ACVR2B: variants seen among roughly 807,000 people sequenced by gnomAD.
ACVR2B encodes activin A receptor type 2B, also known as activin receptor type-2B.
ACVR2B carries 18 observed loss-of-function variants against 65.1 expected under a neutral mutation model. The ratio of observed to expected loss-of-function variants is 0.28; its 90% CI spans 0.19 to 0.41. The LOEUF (loss-of-function observed/expected upper bound fraction) is 0.41. ACVR2B is among the 10% of genes least tolerant of loss of function. The pLI, the probability that ACVR2B is intolerant of heterozygous loss-of-function variation, is 1.00. For synonymous variants in ACVR2B, 298 were observed against 277.7 expected (o/e 1.07, Z -0.73); for missense variants, 482 against 682.7 (o/e 0.71, Z 3.28).
At chr3:38,479,574 G>C in intron 6 of ACVR2B, 104 bp from the exon 7 acceptor site, 1 of 1,384,484 alleles carries the variant, frequency 7.2e-7, no homozygotes, top group Non-Finnish European at 1.0e-6. Flanking sequence ...CCTTCCAGGA[G>C]AGCAGCCTAG....
chr3:38,479,934 C>T lies in ACVR2B; in HGVS notation c.959+108C>T, dbSNP rs4407366. On this transcript the variant is annotated intron_variant, in intron 7 of 10. Transcript: ENST00000352511. ...GTCTCAACTTCCTAAACATACTTAC[C>T]CTGCTTGCTGTGTGTCCGAGGCAGC... The T allele has an allele frequency of 0.61, 849,305 of 1,393,412 alleles. 260,024 individuals carry two copies. Among genetic ancestry groups the T allele is most frequent in the Admixed American group, 0.62 (31,408 of 50,670 alleles). 86.3% of individuals were successfully genotyped at this position (1,393,412 alleles called of 1,614,324 possible).
chr3:38,482,230 G>C lies in ACVR2B; in HGVS notation c.1107G>C (p.Val369=). The part of the protein sequence containing the change: ...VGTRRYMAPE[V]LEGAINFQRD... The stretch of plus-strand genomic sequence containing the variant: ...CGAGACGGTACATGGCTCCTGAGGT[G>C]CTCGAGGGAGCCATCAACTTCCAGA... The change falls in exon 9 of 11, where the codon GTG becomes GTC. Residue 369 remains valine, a synonymous_variant. Transcript: ENST00000352511. 1 of 1,613,650 alleles carries C rather than the reference G, an allele frequency of 6.2e-7. No individual in the cohort carries two copies. Among genetic ancestry groups the C allele is most frequent in the Non-Finnish European group, 8.5e-7 (1 of 1,179,966 alleles).
chr3:38,455,681 A>C (rs1367231555), intron 1 of ACVR2B, among the ~76,000 whole-genome samples: 1 of 152,186 alleles, frequency 6.6e-6, no homozygotes, highest in Admixed American at 6.5e-5. Flanking sequence ...ACCAGCTGGC[A>C]CCTGAGTACC....
At chr3:38,474,909 A>T (rs1709881709) in intron 1 of ACVR2B, 1 of 152,268 alleles carries the variant, frequency 6.6e-6, no homozygotes, top group Non-Finnish European at 1.5e-5. Context: ...AGCCAAACAC[A>T]TTCAAGGGTG....
At position 38,491,208 on chromosome 3, in the gene ACVR2B, G is replaced by A. The variant is rs1397399447; in HGVS notation, c.*7876G>A. On this transcript the variant is annotated 3_prime_UTR_variant, in exon 11 of 11. Transcript: ENST00000352511. ...ATTTTTTAAAGAGCCTTTTTTACCAGTTCAAAAAGTTTAATTAACCAGCAG... is the reference window on the plus strand; with the variant it reads ...ATTTTTTAAAGAGCCTTTTTTACCAATTCAAAAAGTTTAATTAACCAGCAG... The A allele has an allele frequency of 6.6e-6, 1 of 152,384 alleles. No individual in the cohort carries two copies. Among genetic ancestry groups the A allele is most frequent in the East Asian group, 1.9e-4 (1 of 5,180 alleles). The allele number at this position is 152,384 out of a possible 1,614,324, so 9.4% of individuals were successfully genotyped here.
intron 8 of ACVR2B, 50 bp from the exon 9 acceptor site, chr3:38,482,148 G>T: frequency 6.2e-7 from 1 of 1,613,466 alleles, no homozygotes; most frequent in Non-Finnish European, 8.5e-7. Flanking sequence ...TCCCAGCTGT[G>T]TGTGTATGGC....
chr3:38,482,696 T>G, intron 10 of ACVR2B, 136 bp downstream of exon 10: 1 of 1,312,794 alleles, frequency 7.6e-7, no homozygotes, highest in Non-Finnish European at 1.0e-6. Context: ...AGGGATGTGT[T>G]CCAGGGGTTA....
At position 38,455,196 on chromosome 3, in the gene ACVR2B, G is replaced by T. The variant is rs1370577782; in HGVS notation, c.52+822G>T. 3.3e-5 allele frequency among the ~76,000 whole-genome samples: 5 copies of T among 152,218 alleles called. No individual in the cohort carries two copies. The South Asian group carries it at 1.0e-3, about 32-fold the overall frequency. On this transcript the variant is annotated intron_variant, in intron 1 of 10. Transcript: ENST00000352511. Reference sequence around the variant, plus strand: ...GCGTAAACAAGCGGAGTTCCGCCTGGAAAGCTTGTTTCTCCTACGGTCCAA... The same window carrying T: ...GCGTAAACAAGCGGAGTTCCGCCTGTAAAGCTTGTTTCTCCTACGGTCCAA...
At chr3:38,459,785 A>C (rs145703055) in intron 1 of ACVR2B, 1 of 575,178 alleles carries the variant, frequency 1.7e-6, no homozygotes, top group Non-Finnish European at 2.2e-6. Context: ...AGGTGTGGGC[A>C]GCGCTGCCTT....
At chr3:38,459,060 T>G (rs143439026) in intron 1 of ACVR2B, among the ~76,000 whole-genome samples, 1 of 152,126 alleles carries the variant, frequency 6.6e-6, no homozygotes, top group Non-Finnish European at 1.5e-5. Context: ...TCATCTCAGA[T>G]TGGGAACCAC....
At chr3:38,469,198 A>G (rs953703235) in intron 1 of ACVR2B, among the ~76,000 whole-genome samples, 1 of 152,254 alleles carries the variant, frequency 6.6e-6, no homozygotes, top group Non-Finnish European at 1.5e-5. Context: ...AGTATAATAA[A>G]CACCCTTTTA....
intron 1 of ACVR2B, among the ~76,000 whole-genome samples, chr3:38,460,596 C>G (rs1294024131): frequency 1.3e-5 from 2 of 152,176 alleles, no homozygotes; most frequent in East Asian, 3.8e-4. Context: ...TTTTCAGATT[C>G]TTTCTGGGAC....
chr3:38,466,270 G>A (rs1709725703), intron 1 of ACVR2B, among the ~76,000 whole-genome samples: 1 of 152,064 alleles, frequency 6.6e-6, no homozygotes, highest in South Asian at 2.1e-4. Context: ...TACATTTAAA[G>A]GAAAAAATTC....
In ACVR2B at chr3:38,484,542, T is replaced by C. The variant is rs779733259; in HGVS notation, c.*1210T>C. The stretch of plus-strand genomic sequence containing the variant: ...AAGACTTTCTCCAGACCCCTTAAAG[T>C]GGTACATATTCTAAAAAACTGTTTT... On this transcript the variant is annotated 3_prime_UTR_variant, in exon 11 of 11. Transcript: ENST00000352511. 3.3e-5 allele frequency: 5 copies of C among 152,256 alleles called. No homozygotes were observed. The highest frequency in any genetic ancestry group is 5.9e-5 in the Non-Finnish European group (4 of 68,038). The allele number at this position is 152,256 out of a possible 1,614,324, so 9.4% of individuals were successfully genotyped here. A position where few individuals can be genotyped will look rare whatever the true frequency, so the allele number is the denominator to read the frequency against.
At chr3:38,455,503 C>T (rs1311823400) in intron 1 of ACVR2B, among the ~76,000 whole-genome samples, 3 of 152,124 alleles carry the variant, frequency 2.0e-5, no homozygotes, top group Non-Finnish European at 4.4e-5. Flanking sequence ...GGCCGGAGTC[C>T]CCACGCTGCT....
At chr3:38,457,358 C>G (rs1314469099) in intron 1 of ACVR2B, among the ~76,000 whole-genome samples, 1 of 152,198 alleles carries the variant, frequency 6.6e-6, no homozygotes, top group Non-Finnish European at 1.5e-5. Flanking sequence ...TTCCACATTT[C>G]CAGTGCTCTG....
chr3:38,454,316 G>A lies in ACVR2B; in HGVS notation c.-7G>A, dbSNP rs1286427783. Reference sequence around the variant, plus strand: ...CTCCGGGTGTGCGCGGGGCGGCGCCGCGGAACATGACGGCGCCCTGGGTGG... The same window carrying A: ...CTCCGGGTGTGCGCGGGGCGGCGCCACGGAACATGACGGCGCCCTGGGTGG... On this transcript the variant is annotated 5_prime_UTR_variant, in exon 1 of 11. Coordinates refer to ENST00000352511, the MANE Select transcript of ACVR2B (RefSeq NM_001106.4). 7.7e-7 allele frequency: 1 copy of A among 1,291,050 alleles called. No homozygotes were observed. Among genetic ancestry groups the A allele is most frequent in the South Asian group, 2.5e-5 (1 of 40,198 alleles). The allele number at this position is 1,291,050 out of a possible 1,614,324, so 80.0% of individuals were successfully genotyped here. A position where few individuals can be genotyped will look rare whatever the true frequency, so the allele number is the denominator to read the frequency against.
intron 1 of ACVR2B, among the ~76,000 whole-genome samples, chr3:38,455,517 G>A (rs1575575604): frequency 6.6e-6 from 1 of 152,176 alleles, no homozygotes; most frequent in South Asian, 2.1e-4. Context: ...CGCTGCTGCG[G>A]GGGTGGGGAT....
rs1710103870 is a variant in ACVR2B at position 38,485,546 on chromosome 3, G to A, written c.*2214G>A. 6.6e-6 allele frequency: 1 copy of A among 152,210 alleles called. No individual in the cohort carries two copies. Among genetic ancestry groups the A allele is most frequent in the Non-Finnish European group, 1.5e-5 (1 of 68,076 alleles). The allele number at this position is 152,210 out of a possible 1,614,324, so 9.4% of individuals were successfully genotyped here. A position where few individuals can be genotyped will look rare whatever the true frequency, so the allele number is the denominator to read the frequency against. ...CGGGGTCCTTTCCTCTGGGTGTTGG[G>A]GCACAGGGTGCTATGGGAGGCCCAT... On this transcript the variant is annotated 3_prime_UTR_variant, in exon 11 of 11. Transcript: ENST00000352511.
Sources: allele counts gnomAD v4.1 joint callset (sites outside exome capture counted in the v4.1 genomes callset), GRCh38; gene constraint gnomAD v4.1.1; transcripts MANE v1.5; gene names NCBI Gene and HGNC (gene_info 2026-07-23, HGNC 2026-07-21).